The following LIPM variants were observed in gnomAD, a reference collection of about 807,000 sequenced individuals.
LIPM encodes lipase family member M.
Under a neutral mutation model 42.4 loss-of-function variants are expected in LIPM, and 42 were observed. The observed-to-expected ratio is 0.99, with a 90% CI of 0.77 to 1.28. The LOEUF (loss-of-function observed/expected upper bound fraction) is 1.28, where lower values mean the gene tolerates loss of function less well. LIPM is among the 50% of genes most tolerant of loss of function. The pLI, the probability that LIPM is intolerant of heterozygous loss-of-function variation, is 0.00. For missense variants in LIPM, 524 were observed against 520.1 expected (o/e 1.01, Z -0.07); for synonymous variants, 177 against 173.3 (o/e 1.02, Z -0.17).
chr10:88,818,428 A>C (rs531287932), intron 8 of LIPM, among the ~76,000 whole-genome samples: 3 of 152,350 alleles, frequency 2.0e-5, no homozygotes, highest in East Asian at 3.9e-4. Flanking sequence ...CATTCTCCCT[A>C]GTTATACTTT....
In LIPM at chr10:88,808,396, A is replaced by C. The variant is rs528103971; in HGVS notation, c.246A>C (p.Leu82=). Residue 82 remains leucine (L), a synonymous_variant, in exon 2 of 9, where the codon CTA becomes CTC. Coordinates refer to ENST00000404743, the MANE Select transcript of LIPM (RefSeq NM_001128215.1). ...CTGTTAACAGGATTCCTCGAGGCCT[A>C]GTGCAACCTAAGAAGACAGGTGTGG... is the stretch of plus-strand genomic sequence containing the variant. The part of the protein sequence containing the change: ...ILSVNRIPRG[L]VQPKKTGSRP... 6.3e-5 allele frequency: 97 copies of C among 1,550,148 alleles called. 3 individuals are homozygous for C. In the South Asian group the frequency reaches 1.1e-3, roughly 17 times the overall value.
Position 88,820,382 on chromosome 10 carries a change from G to T in LIPM, c.1153G>T (p.Ala385Ser). 4 of 1,552,264 alleles carry T rather than the reference G, an allele frequency of 2.6e-6. No individual in the cohort carries two copies. Among genetic ancestry groups the T allele is most frequent in the Non-Finnish European group, 2.6e-6 (3 of 1,147,120 alleles). ...LIYHKNIPEW[A>S]HVDFIWGLDA... ...CTACCATAAGAATATTCCTGAATGG[G>T]CTCACGTGGATTTCATCTGGGGTTT... Residue 385 changes from alanine to serine, a missense_variant, in exon 9 of 9, where the codon GCT (alanine) becomes TCT (serine). Ala to Ser is a moderately conservative substitution (Grantham distance 99). Transcript: ENST00000404743.
In LIPM at chr10:88,815,107, C is replaced by T. The variant is rs996958069; in HGVS notation, c.594C>T (p.Thr198=). The T allele has an allele frequency of 1.9e-5, 30 of 1,545,404 alleles. No homozygotes were observed. The highest frequency in any genetic ancestry group is 2.4e-5 in the Non-Finnish European group (28 of 1,145,028). The part of the protein sequence containing the change: ...GTTMGFIAFS[T]MPELAQKIKM... ...TTGCAGGCTTTATTGCATTTTCCAC[C>T]ATGCCAGAGCTGGCTCAGAAAATCA... Residue 198 remains threonine (T), a synonymous_variant, in exon 5 of 9, where the codon ACC becomes ACT. Coordinates refer to ENST00000404743, the MANE Select transcript of LIPM (RefSeq NM_001128215.1).
In LIPM at chr10:88,802,755, C is replaced by A; in HGVS notation, c.-142C>A. On this transcript the variant is annotated 5_prime_UTR_variant, in exon 1 of 9. Transcript: ENST00000404743. ...CTACTTTGTGTTCTTTCCCTACCAA[C>A]TAAGCTTGCCTAATTTGCTTCAGAA... is the stretch of plus-strand genomic sequence containing the variant. 1.2e-6 allele frequency: 1 copy of A among 809,152 alleles called. No homozygotes were observed. Among genetic ancestry groups the A allele is most frequent in the Non-Finnish European group, 1.9e-6 (1 of 520,642 alleles). 50.1% of individuals were successfully genotyped at this position (809,152 alleles called of 1,614,324 possible). A position where few individuals can be genotyped will look rare whatever the true frequency, so the allele number is the denominator to read the frequency against.
chr10:88,807,439 GT>G (rs1268077765), intron 1 of LIPM, among the ~76,000 whole-genome samples: 1 of 152,108 alleles, frequency 6.6e-6, no homozygotes, highest in African/African-American at 2.4e-5. Context: ...GATGCAAATG[GT>G]TCTCTCCTTC....
chr10:88,814,471 G>GAGCTTT, intron 3 of LIPM, 59 bp from the exon 4 acceptor site: 1 of 1,177,738 alleles, frequency 8.5e-7, no homozygotes. Flanking sequence ...GTGTCGGGGG[G>GAGCTTT]AGCTTTTGTT....
At chr10:88,820,174 AT>A in intron 8 of LIPM, 57 bp from the exon 9 acceptor site, 1 of 1,381,282 alleles carries the variant, frequency 7.2e-7, no homozygotes. Flanking sequence ...TGAAACATAA[AT>A]TATGAGCCTG....
intron 5 of LIPM, 26 bp downstream of exon 5, chr10:88,815,250 T>C (rs1193793425): frequency 6.5e-7 from 1 of 1,547,970 alleles, no homozygotes; most frequent in Non-Finnish European, 8.7e-7. Flanking sequence ...GAAAACTTCC[T>C]GTGTACGTAG....
intron 2 of LIPM, among the ~76,000 whole-genome samples, chr10:88,812,217 G>A (rs558604086): frequency 2.0e-5 from 3 of 152,062 alleles, no homozygotes; most frequent in Non-Finnish European, 4.4e-5. Flanking sequence ...ATCTTTCTTG[G>A]TTCATCATAT....
In LIPM at chr10:88,813,121, AG is replaced by A. The variant is rs767033543; in HGVS notation, c.291del (p.Gln97HisfsTer4). On this transcript the variant is annotated frameshift_variant, in exon 3 of 9. Transcript: ENST00000404743. LOFTEE classifies it high-confidence loss of function. ...GGTTCCAGGCCTGTGGTGTTACTGC[AG>A]CATGGCCTAGTTGGAGGTGCTAGCA... ...KTGSRPVVLL[Q>X]HGLVGGASNW... The A allele has an allele frequency of 6.2e-7, 1 of 1,602,216 alleles. No individual in the cohort carries two copies. The highest frequency in any genetic ancestry group is 1.7e-5 in the Admixed American group (1 of 58,000).
chr10:88,819,156 C>T (rs1256979758), intron 8 of LIPM, among the ~76,000 whole-genome samples: 4 of 152,118 alleles, frequency 2.6e-5, no homozygotes, highest in African/African-American at 2.4e-5. Context: ...TCCCAAAGTG[C>T]TGGGATTACA....
At chr10:88,809,783 CCTTT>C (rs1468156934) in intron 2 of LIPM, among the ~76,000 whole-genome samples, 1 of 152,112 alleles carries the variant, frequency 6.6e-6, no homozygotes, top group Non-Finnish European at 1.5e-5. Flanking sequence ...TTTGAAACCA[CCTTT>C]TTTTTTCTCA....
intron 1 of LIPM, among the ~76,000 whole-genome samples, chr10:88,807,703 G>A (rs915380389): frequency 1.8e-4 from 28 of 152,226 alleles, no homozygotes; most frequent in Admixed American, 1.0e-3. Context: ...AAAATGTTAG[G>A]AATCAATGCT....
chr10:88,818,531 T>C (rs1843745528), intron 8 of LIPM, among the ~76,000 whole-genome samples: 1 of 152,240 alleles, frequency 6.6e-6, no homozygotes, highest in Non-Finnish European at 1.5e-5. Flanking sequence ...TAAAATTAGA[T>C]ATCAAAGTGT....
At chr10:88,814,436 A>C (rs1843692675) in intron 3 of LIPM, 94 bp from the exon 4 acceptor site, 3 of 777,974 alleles carry the variant, frequency 3.9e-6, no homozygotes, top group Non-Finnish European at 6.4e-6. Flanking sequence ...AGAGTTGACA[A>C]CTCAAGGGCT....
At chr10:88,816,720 C>A in intron 6 of LIPM, 96 bp from the exon 7 acceptor site, 1 of 728,998 alleles carries the variant, frequency 1.4e-6, no homozygotes, top group East Asian at 2.8e-5. Context: ...ATAATGTTAC[C>A]ATTTCTTAGT....
In LIPM at chr10:88,806,881, G is replaced by A. The variant is rs895389608; in HGVS notation, c.148-1417G>A. ...TTTTATTATTATTTTAGTAGAGATG[G>A]TGTTTCACCATGTTGGCCAGGATGG... is the stretch of plus-strand genomic sequence containing the variant. On this transcript the variant is annotated intron_variant, in intron 1 of 8. Transcript: ENST00000404743. Among the ~76,000 whole-genome samples the A allele has an allele frequency of 3.9e-4, 59 of 152,160 alleles. 1 individual carries two copies. Among genetic ancestry groups the A allele is most frequent in the African/African-American group, 1.4e-3 (59 of 41,520 alleles).
chr10:88,816,344 A>G (rs1843718163), intron 6 of LIPM, among the ~76,000 whole-genome samples: 1 of 152,194 alleles, frequency 6.6e-6, no homozygotes. Flanking sequence ...TAAGATTAAT[A>G]ATTTGATTTA....
chr10:88,805,659 A>G (rs1239890072), intron 1 of LIPM, among the ~76,000 whole-genome samples: 1 of 152,198 alleles, frequency 6.6e-6, no homozygotes, highest in Non-Finnish European at 1.5e-5. Context: ...CTGCTAAACA[A>G]TGTATATCAT....
Sources: allele counts gnomAD v4.1 joint callset (sites outside exome capture counted in the v4.1 genomes callset), GRCh38; gene constraint gnomAD v4.1.1; transcripts MANE v1.5; gene names NCBI Gene and HGNC (gene_info 2026-07-23, HGNC 2026-07-21).